The following CACNG2 variants were observed in gnomAD, a reference collection of about 807,000 sequenced individuals.
CACNG2 encodes voltage-dependent calcium channel gamma-2 subunit.
In CACNG2, 3 loss-of-function variants were observed where a neutral mutation model predicts 25.9. The observed-to-expected ratio is 0.12, with a 90% CI of 0.05 to 0.30. The LOEUF (loss-of-function observed/expected upper bound fraction) is 0.30. Among genes scored for constraint, CACNG2 ranks in the 10% least tolerant of loss-of-function variants. The pLI is 1.00. For synonymous variants in CACNG2, 167 were observed against 173.3 expected, an observed-to-expected ratio of 0.96 and a Z score of 0.29; for missense variants, 341 against 432.5, an observed-to-expected ratio of 0.79 and a Z score of 1.88.
chr22:36,605,423 C>T (rs1935816221), intron 1 of CACNG2, among the ~76,000 whole-genome samples: 2 of 152,206 alleles, frequency 1.3e-5, no homozygotes, highest in Non-Finnish European at 2.9e-5. Context: ...TTGTGTGACT[C>T]ACTATGTTAT....
At position 36,686,496 on chromosome 22, in the gene CACNG2, C is replaced by T. The variant is rs186615214; in HGVS notation, c.211+15870G>A. 5.9e-4 allele frequency among the ~76,000 whole-genome samples: 90 copies of T among 152,256 alleles called. No individual in the cohort carries two copies. In the East Asian group the frequency reaches 0.014, roughly 24 times the overall value. ...AGCTGGCATGTAAGAGGGAGGAAGG[C>T]GGATAAACAGACTCAGGCATGCAAT... is the stretch of plus-strand genomic sequence containing the variant. On this transcript the variant is annotated intron_variant, in intron 1 of 3. Transcript: ENST00000300105.
rs182694181 is a variant in CACNG2, at chr22:36,702,878, C to T, written c.-302G>A. On this transcript the variant is annotated 5_prime_UTR_variant, in exon 1 of 4. It adds an upstream start codon to the 5' untranslated region. Coordinates refer to ENST00000300105, the MANE Select transcript of CACNG2 (RefSeq NM_006078.5). ...AAAGGAAAAAAAAAATAAAAAGACA[C>T]CCCCCACCCCCCCAAGTGAGATGCC... is the stretch of plus-strand genomic sequence containing the variant. 3.8e-6 allele frequency: 1 copy of T among 260,214 alleles called. No homozygotes were observed. The highest frequency in any genetic ancestry group is 5.2e-5 in the Admixed American group (1 of 19,132). The allele number at this position is 260,214 out of a possible 1,614,324, so 16.1% of individuals were successfully genotyped here. A position where few individuals can be genotyped will look rare whatever the true frequency, so the allele number is the denominator to read the frequency against.
chr22:36,600,128 T>C (rs1194915120), intron 1 of CACNG2, among the ~76,000 whole-genome samples: 6 of 152,324 alleles, frequency 3.9e-5, no homozygotes. Context: ...AGCTGCATGA[T>C]GGTAGAATAA....
intron 1 of CACNG2, among the ~76,000 whole-genome samples, chr22:36,616,903 G>A (rs977147017): frequency 6.6e-6 from 1 of 152,136 alleles, no homozygotes; most frequent in African/African-American, 2.4e-5. Flanking sequence ...AGGGATGCTG[G>A]GCACTGGGGA....
intron 1 of CACNG2, among the ~76,000 whole-genome samples, chr22:36,663,947 G>A (rs1936837252): frequency 6.6e-6 from 1 of 152,150 alleles, no homozygotes; most frequent in Non-Finnish European, 1.5e-5. Flanking sequence ...CACAAATCAT[G>A]GCTAGGAGGG....
chr22:36,661,594 T>C (rs550269323), intron 1 of CACNG2, among the ~76,000 whole-genome samples: 1 of 152,294 alleles, frequency 6.6e-6, no homozygotes, highest in East Asian at 1.9e-4. Flanking sequence ...GAGGCCTCCT[T>C]GGTGAAGGGC....
At chr22:36,648,452 G>A (rs763862711) in intron 1 of CACNG2, among the ~76,000 whole-genome samples, 3 of 152,130 alleles carry the variant, frequency 2.0e-5, no homozygotes, top group Admixed American at 6.5e-5. Flanking sequence ...GGTTCCTGCC[G>A]GCATTTCTAG....
chr22:36,661,710 C>A (rs1936797909), intron 1 of CACNG2, among the ~76,000 whole-genome samples: 1 of 152,040 alleles, frequency 6.6e-6, no homozygotes, highest in South Asian at 2.1e-4. Context: ...TGTGGGGGGA[C>A]CTTGTCCAGA....
intron 1 of CACNG2, among the ~76,000 whole-genome samples, chr22:36,666,602 G>A (rs530156875): frequency 6.6e-6 from 1 of 152,028 alleles, no homozygotes; most frequent in South Asian, 2.1e-4. Context: ...AACGGGTGGT[G>A]GTGATGGTTG....
intron 1 of CACNG2, among the ~76,000 whole-genome samples, chr22:36,626,005 C>T (rs191569558): frequency 1.4e-3 from 216 of 152,236 alleles, no homozygotes; most frequent in Middle Eastern, 3.4e-3. Context: ...CTGCAACCTC[C>T]GCCCCCTGGG....
chr22:36,644,670 T>C (rs1217987289), intron 1 of CACNG2, among the ~76,000 whole-genome samples: 1 of 152,228 alleles, frequency 6.6e-6, no homozygotes, highest in Non-Finnish European at 1.5e-5. Flanking sequence ...TGCCTCAGTT[T>C]TCTCACCTGT....
At chr22:36,701,946 G>A (rs1469007522) in intron 1 of CACNG2, among the ~76,000 whole-genome samples, 1 of 152,116 alleles carries the variant, frequency 6.6e-6, no homozygotes, top group East Asian at 1.9e-4. Flanking sequence ...GAGGGAAAAG[G>A]GAAGAGCATT....
chr22:36,663,041 A>G (rs1030750418), intron 1 of CACNG2, among the ~76,000 whole-genome samples: 11 of 142,394 alleles, frequency 7.7e-5, no homozygotes, highest in Non-Finnish European at 8.8e-5. Context: ...TAAGAGTTAA[A>G]AAAAAAAGAG....
chr22:36,569,289 C>G (rs549491393), intron 2 of CACNG2, among the ~76,000 whole-genome samples: 4 of 152,192 alleles, frequency 2.6e-5, no homozygotes, highest in Non-Finnish European at 5.9e-5. Context: ...AATTGAGGTT[C>G]AGAGAGAGAA....
intron 1 of CACNG2, among the ~76,000 whole-genome samples, chr22:36,592,432 C>T (rs1252502538): frequency 2.6e-5 from 4 of 151,966 alleles, no homozygotes; most frequent in African/African-American, 4.8e-5. Context: ...GGTAAGACCC[C>T]GAATGAGGTG....
chr22:36,661,781 CA>C (rs1343238469), intron 1 of CACNG2, among the ~76,000 whole-genome samples: 1 of 152,058 alleles, frequency 6.6e-6, no homozygotes, highest in Non-Finnish European at 1.5e-5. Flanking sequence ...GCCTGGGAAG[CA>C]GGCTGCCTGG....
At chr22:36,625,535 A>C (rs1162857388) in intron 1 of CACNG2, among the ~76,000 whole-genome samples, 1 of 152,176 alleles carries the variant, frequency 6.6e-6, no homozygotes, top group Non-Finnish European at 1.5e-5. Context: ...CCAGCGAATG[A>C]ACGATGCTTC....
chr22:36,671,718 T>A (rs1196590047), intron 1 of CACNG2, among the ~76,000 whole-genome samples: 1 of 152,178 alleles, frequency 6.6e-6, no homozygotes, highest in African/African-American at 2.4e-5. Flanking sequence ...GGCATCTGTG[T>A]TCTAAGTTAC....
At position 36,564,893 on chromosome 22, in the gene CACNG2, G is replaced by C; in HGVS notation, c.437-7C>G. On this transcript the variant is annotated splice_polypyrimidine_tract_variant and splice_region_variant and intron_variant, in intron 3 of 3. Transcript: ENST00000300105. This position sits in a 1 kb window ranked among gnomAD's most constrained non-coding sequence, Gnocchi z 6.7. ...CCAATGATGTTACTCAGACCTGCGGGGCGCAGGGTGGCGGGGTGGGGGATC... is the reference window on the plus strand; with the variant it reads ...CCAATGATGTTACTCAGACCTGCGGCGCGCAGGGTGGCGGGGTGGGGGATC... 1 of 1,609,720 alleles carries C rather than the reference G, an allele frequency of 6.2e-7. No homozygotes were observed. The highest frequency in any genetic ancestry group is 8.5e-7 in the Non-Finnish European group (1 of 1,179,752).
Sources: allele counts gnomAD v4.1 joint callset (sites outside exome capture counted in the v4.1 genomes callset), GRCh38; gene constraint gnomAD v4.1.1; non-coding constraint Gnocchi (gnomAD v3.1); transcripts MANE v1.5; gene names NCBI Gene and HGNC (gene_info 2026-07-23, HGNC 2026-07-21).